ADAMTSL1: variants seen among roughly 807,000 people sequenced by gnomAD.
ADAMTSL1 encodes the protein ADAMTS like 1.
In ADAMTSL1, 126 loss-of-function variants were observed where a neutral mutation model predicts 201.8. That is an observed-to-expected ratio of 0.62 (90% CI 0.54 to 0.72). ADAMTSL1 has a LOEUF of 0.72. Ranked by LOEUF, ADAMTSL1 falls within the 30% of genes least tolerant of loss-of-function variation. The pLI is 0.00. For synonymous variants in ADAMTSL1, 1,121 were observed against 903.4 expected (o/e 1.24, Z -4.32); for missense variants, 2,679 against 2,277.8 (o/e 1.18, Z -3.59).
intron 1 of ADAMTSL1, among the ~76,000 whole-genome samples, chr9:18,056,951 C>G (rs1206744284): frequency 1.3e-5 from 2 of 152,140 alleles, no homozygotes; most frequent in Non-Finnish European, 2.9e-5. Context: ...CAAATGCAAA[C>G]CAGACAAACC....
At chr9:18,521,009 C>G (rs1044849991) in intron 2 of ADAMTSL1, among the ~76,000 whole-genome samples, 1 of 152,080 alleles carries the variant, frequency 6.6e-6, no homozygotes, top group Non-Finnish European at 1.5e-5. Flanking sequence ...TTCCGCCTTT[C>G]CACTGGTGGT....
In ADAMTSL1 at chr9:18,706,888, A is replaced by G; in HGVS notation, c.1716A>G (p.Pro572=). The change falls in exon 14 of 29, where the codon CCA becomes CCG. Residue 572 remains proline (P), a synonymous_variant. Transcript: ENST00000380548. ...TTGACGAGTGTGAAGGGCCCAAGCC[A>G]GCATCCCAGCGTGCCTGTTATGCAG... The part of the protein sequence containing the change: ...LPIDECEGPK[P]ASQRACYAGP... 1 of 1,613,978 alleles carries G rather than the reference A, an allele frequency of 6.2e-7. No homozygotes were observed. Among genetic ancestry groups the G allele is most frequent in the African/African-American group, 1.3e-5 (1 of 75,052 alleles).
At chr9:18,256,902 C>T (rs890775407) in intron 2 of ADAMTSL1, among the ~76,000 whole-genome samples, 2 of 152,218 alleles carry the variant, frequency 1.3e-5, no homozygotes, top group Non-Finnish European at 2.9e-5. Flanking sequence ...TAAACCCCCA[C>T]TGACTTTTAC....
rs191103342 is a variant in ADAMTSL1 at position 18,813,168 on chromosome 9, T to C, written c.3806-3941T>C. Among the ~76,000 whole-genome samples, 12 of 152,236 alleles carry C rather than the reference T, an allele frequency of 7.9e-5. No homozygotes were observed. In the East Asian group the frequency reaches 1.2e-3, roughly 15 times the overall value. On this transcript the variant is annotated intron_variant, in intron 20 of 28. Transcript: ENST00000380548. ...TTTTAGTAGAGATGGGGTTTCACCA[T>C]GTTGGCCACAATGGTCTCAGTCTCT...
intron 15 of ADAMTSL1, among the ~76,000 whole-genome samples, chr9:18,726,912 T>C (rs1300183878): frequency 6.6e-6 from 1 of 152,144 alleles, no homozygotes; most frequent in African/African-American, 2.4e-5. Context: ...CCAGCCCCAG[T>C]CTCTTTTCTC....
At chr9:18,854,592 A>G (rs1826725132) in intron 23 of ADAMTSL1, among the ~76,000 whole-genome samples, 1 of 152,198 alleles carries the variant, frequency 6.6e-6, no homozygotes, top group Non-Finnish European at 1.5e-5. Flanking sequence ...GAATAGATGA[A>G]TAGAATGGAT....
At chr9:17,907,669 T>C (rs945043059) in intron 1 of ADAMTSL1, among the ~76,000 whole-genome samples, 1 of 152,134 alleles carries the variant, frequency 6.6e-6, no homozygotes, top group African/African-American at 2.4e-5. Flanking sequence ...GGGTGTCTGA[T>C]TAATTCAGTT....
chr9:18,905,756 G>A (rs369627615), intron 26 of ADAMTSL1, 26 bp from the exon 27 acceptor site: 5 of 1,589,276 alleles, frequency 3.1e-6, no homozygotes, highest in Non-Finnish European at 4.3e-6. Flanking sequence ...CTAATGTGCG[G>A]TATGTTACCT....
chr9:18,677,296 T>G (rs1830184601), intron 10 of ADAMTSL1, among the ~76,000 whole-genome samples: 1 of 152,056 alleles, frequency 6.6e-6, no homozygotes, highest in Admixed American at 6.6e-5. Flanking sequence ...ATAAATAGCT[T>G]TAGAATGTTC....
chr9:18,034,825 C>T (rs1821123127), intron 1 of ADAMTSL1, among the ~76,000 whole-genome samples: 1 of 152,090 alleles, frequency 6.6e-6, no homozygotes. Flanking sequence ...AACTTTTAGT[C>T]TTATTTTTAT....
intron 20 of ADAMTSL1, among the ~76,000 whole-genome samples, chr9:18,803,045 G>C (rs1822898414): frequency 6.6e-6 from 1 of 152,126 alleles, no homozygotes; most frequent in African/African-American, 2.4e-5. Flanking sequence ...GGTGTATATG[G>C]CCTGCGTATT....
chr9:18,525,666 A>G (rs1446564256), intron 2 of ADAMTSL1, among the ~76,000 whole-genome samples: 1 of 152,182 alleles, frequency 6.6e-6, no homozygotes, highest in Non-Finnish European at 1.5e-5. Flanking sequence ...CTGGTTTCAA[A>G]GAACATCTTT....
chr9:18,715,565 C>A (rs2133384466), intron 14 of ADAMTSL1, among the ~76,000 whole-genome samples: 1 of 152,070 alleles, frequency 6.6e-6, no homozygotes, highest in South Asian at 2.1e-4. Flanking sequence ...AACTACAAAC[C>A]ACTACTCAAG....
At chr9:18,874,867 T>A (rs1292456395) in intron 23 of ADAMTSL1, among the ~76,000 whole-genome samples, 4 of 152,134 alleles carry the variant, frequency 2.6e-5, no homozygotes, top group Non-Finnish European at 5.9e-5. Flanking sequence ...GAATGTCTGA[T>A]ACAATTCAGC....
rs186494305 is a variant in ADAMTSL1, at chr9:18,105,590, G to A, written c.88-58272G>A. Among the ~76,000 whole-genome samples, 40 of 152,254 alleles carry A rather than the reference G, an allele frequency of 2.6e-4. No homozygotes were observed. In the East Asian group the frequency reaches 5.2e-3, roughly 20 times the overall value. On this transcript the variant is annotated intron_variant, in intron 1 of 29. Transcript: ENST00000680146. ...CTTGAAAGAATATTACTGTAGTGGA[G>A]AAATCACATAGCAACAAGAATGCAG...
At chr9:18,211,495 A>G (rs1227803903) in intron 2 of ADAMTSL1, among the ~76,000 whole-genome samples, 2 of 152,158 alleles carry the variant, frequency 1.3e-5, no homozygotes, top group African/African-American at 4.8e-5. Flanking sequence ...AAAACAGCAA[A>G]CAAAACAAAA....
intron 1 of ADAMTSL1, among the ~76,000 whole-genome samples, chr9:17,991,919 C>G (rs1166592010): frequency 6.6e-6 from 1 of 152,144 alleles, no homozygotes; most frequent in Admixed American, 6.5e-5. Context: ...CCCTGCGACA[C>G]TGCCTTGCCC....
chr9:18,452,442 T>C (rs1820445921), intron 2 of ADAMTSL1, among the ~76,000 whole-genome samples: 1 of 152,304 alleles, frequency 6.6e-6, no homozygotes, highest in Middle Eastern at 3.4e-3. Context: ...TCACATGCAA[T>C]GTGCATTCAT....
At chr9:18,204,711 G>A (rs1359503987) in intron 2 of ADAMTSL1, among the ~76,000 whole-genome samples, 3 of 152,206 alleles carry the variant, frequency 2.0e-5, no homozygotes, top group East Asian at 1.9e-4. Context: ...AATGATGTGT[G>A]TGAGTTTAAC....
Sources: allele counts gnomAD v4.1 joint callset (sites outside exome capture counted in the v4.1 genomes callset), GRCh38; gene constraint gnomAD v4.1.1; transcripts MANE v1.5; gene names NCBI Gene and HGNC (gene_info 2026-07-23, HGNC 2026-07-21).